ATE1: variants seen among roughly 807,000 people sequenced by gnomAD.
ATE1 encodes arginyltransferase 1.
In ATE1, 36 loss-of-function variants were observed where a neutral mutation model predicts 70.5. The observed-to-expected ratio is 0.51, with a 90% CI of 0.39 to 0.67. The LOEUF is 0.67. Ranked by LOEUF, ATE1 falls within the 30% of genes least tolerant of loss-of-function variation. The pLI is 0.00. For synonymous variants in ATE1, 232 were observed against 219.3 expected (o/e 1.06, Z -0.51); for missense variants, 593 against 629.5 (o/e 0.94, Z 0.62).
intron 11 of ATE1, among the ~76,000 whole-genome samples, chr10:121,757,617 G>A (rs997891163): frequency 2.0e-5 from 3 of 152,196 alleles, no homozygotes; most frequent in Admixed American, 6.5e-5. Flanking sequence ...CATGGATGAT[G>A]GCAGCAAAGA....
chr10:121,761,436 A>T (rs1034356202), intron 11 of ATE1, among the ~76,000 whole-genome samples: 1 of 148,534 alleles, frequency 6.7e-6, no homozygotes, highest in Non-Finnish European at 1.5e-5. Flanking sequence ...TTAGCAATAA[A>T]GCACTTTTAA....
intron 10 of ATE1, among the ~76,000 whole-genome samples, chr10:121,818,195 T>C (rs1947636488): frequency 8.2e-6 from 1 of 122,318 alleles, no homozygotes; most frequent in African/African-American, 3.2e-5. Flanking sequence ...AGGCAGAGCT[T>C]ACAGTGAACT....
intron 10 of ATE1, among the ~76,000 whole-genome samples, chr10:121,823,773 G>A (rs547273258): frequency 2.0e-5 from 3 of 152,306 alleles, no homozygotes; most frequent in African/African-American, 4.8e-5. Flanking sequence ...ACGATTAAAT[G>A]TACTTGAATT....
intron 10 of ATE1, among the ~76,000 whole-genome samples, chr10:121,817,640 C>T (rs1318954360): frequency 2.0e-5 from 3 of 151,904 alleles, no homozygotes; most frequent in South Asian, 2.1e-4. Flanking sequence ...ATCCCATAAA[C>T]GTTGATATCA....
At chr10:121,841,437 A>T (rs1948625521) in intron 8 of ATE1, among the ~76,000 whole-genome samples, 174 bp from the exon 9 acceptor site, 1 of 152,142 alleles carries the variant, frequency 6.6e-6, no homozygotes, top group African/African-American at 2.4e-5. Context: ...TCATAGAAAT[A>T]CTGACTAAAT....
At chr10:121,892,983 AAAAAGC>A (rs1470891930) in intron 7 of ATE1, among the ~76,000 whole-genome samples, 2 of 152,184 alleles carry the variant, frequency 1.3e-5, no homozygotes, top group Non-Finnish European at 2.9e-5. Context: ...TCACTGACTT[AAAAAGC>A]AATTGTAGGC....
At chr10:121,782,333 T>C (rs1444784624) in intron 11 of ATE1, among the ~76,000 whole-genome samples, 1 of 152,190 alleles carries the variant, frequency 6.6e-6, no homozygotes, top group East Asian at 1.9e-4. Context: ...TACAGATAAT[T>C]CACAAGGCAC....
chr10:121,830,158 T>C (rs937298531), intron 10 of ATE1, among the ~76,000 whole-genome samples: 5 of 152,212 alleles, frequency 3.3e-5, no homozygotes, highest in Non-Finnish European at 7.3e-5. Flanking sequence ...AAGTATAACA[T>C]GGTATCTGCT....
At chr10:121,813,954 G>A (rs899887863) in intron 10 of ATE1, among the ~76,000 whole-genome samples, 4 of 152,194 alleles carry the variant, frequency 2.6e-5, no homozygotes, top group South Asian at 2.1e-4. Flanking sequence ...TCAGATCCAT[G>A]TTTATGAAGC....
At chr10:121,872,699 A>T (rs7912957) in intron 7 of ATE1, among the ~76,000 whole-genome samples, 62,314 of 151,740 alleles carry the variant, frequency 0.41, 12,969 homozygotes, top group African/African-American at 0.47. Flanking sequence ...CACTATCATG[A>T]TGTCTGATTA....
intron 8 of ATE1, among the ~76,000 whole-genome samples, chr10:121,857,184 T>C (rs1027966218): frequency 4.6e-5 from 7 of 152,230 alleles, no homozygotes; most frequent in African/African-American, 2.4e-5. Context: ...TGTATGATAC[T>C]AAGGTTTGGG....
chr10:121,866,640 G>C (rs1949673248), intron 8 of ATE1, among the ~76,000 whole-genome samples: 1 of 152,050 alleles, frequency 6.6e-6, no homozygotes, highest in Non-Finnish European at 1.5e-5. Flanking sequence ...TTGAGGTCAG[G>C]AGTTCGAGAC....
chr10:121,782,762 T>C (rs1371288664), intron 11 of ATE1: 14 of 152,166 alleles, frequency 9.2e-5, no homozygotes, highest in Admixed American at 9.2e-4. Flanking sequence ...TTCAACTGGG[T>C]CGGCACAATC....
upstream of ATE1, chr10:121,928,304 G>T: frequency 4.0e-6 from 6 of 1,505,372 alleles, no homozygotes; most frequent in Non-Finnish European, 5.3e-6. Context: ...GGGCCTGTGC[G>T]GGGCGCGGCG....
chr10:121,812,722 A>G (rs1947376328), intron 10 of ATE1, among the ~76,000 whole-genome samples: 1 of 152,224 alleles, frequency 6.6e-6, no homozygotes, highest in African/African-American at 2.4e-5. Flanking sequence ...CTCCTTCACT[A>G]TAATTTCATT....
chr10:121,911,097 A>T lies in ATE1; in HGVS notation c.392T>A (p.Ile131Lys). The stretch of plus-strand genomic sequence containing the variant: ...ATCACACTGTATATCCAGTTTATTT[A>T]TCAATGCAAAGTCACCCGCAACAGC... ...DDAVAGDFAL[I>K]NKLDIQCDLK... The change falls in exon 5 of 12, where the codon ATA (isoleucine) becomes AAA (lysine). Residue 131 changes from isoleucine to lysine, a missense_variant. Ile to Lys is a moderately radical substitution (Grantham distance 102). This residue lies in a region of ATE1 where 467 missense variants were observed against 469.6 expected (regional missense o/e 0.99). Transcript: ENST00000224652. 6.2e-7 allele frequency: 1 copy of T among 1,611,626 alleles called. No individual in the cohort carries two copies. Among genetic ancestry groups the T allele is most frequent in the Non-Finnish European group, 8.5e-7 (1 of 1,179,592 alleles).
Position 121,743,127 on chromosome 10 carries a change from T to C in ATE1, c.*553A>G, listed in dbSNP as rs1944201366. ...ACACAAGCTCCATTTTAATGTTTTA[T>C]TTTTTCAAGTTCTCTATTAAACTAC... On this transcript the variant is annotated 3_prime_UTR_variant, in exon 12 of 12. Coordinates refer to ENST00000224652, the MANE Select transcript of ATE1 (RefSeq NM_001001976.3). 6.6e-6 allele frequency: 1 copy of C among 152,322 alleles called. No individual in the cohort carries two copies. Among genetic ancestry groups the C allele is most frequent in the African/African-American group, 2.4e-5 (1 of 41,450 alleles). The allele number at this position is 152,322 out of a possible 1,614,324, so 9.4% of individuals were successfully genotyped here.
chr10:121,790,104 C>A (rs1590305390), intron 11 of ATE1, 65 bp downstream of exon 11: 1 of 1,601,138 alleles, frequency 6.2e-7, no homozygotes, highest in East Asian at 2.2e-5. Flanking sequence ...AGAGCCACAG[C>A]CACACACACA....
At chr10:121,762,003 C>T (rs1026431058) in intron 11 of ATE1, among the ~76,000 whole-genome samples, 4 of 152,168 alleles carry the variant, frequency 2.6e-5, no homozygotes, top group Non-Finnish European at 5.9e-5. Context: ...ACTCACTCTA[C>T]AATCTATTTT....
Sources: gnomAD v4.1 joint callset for allele counts (sites outside exome capture counted in the v4.1 genomes callset) on GRCh38, gnomAD v4.1.1 for gene constraint, gnomAD v4.1.1 regional missense constraint, MANE v1.5 for transcripts, NCBI Gene and HGNC (gene_info 2026-07-23, HGNC 2026-07-21) for gene names.